RNGTT: variants seen among roughly 807,000 people sequenced by gnomAD.
The protein encoded by RNGTT is mRNA-capping enzyme.
RNGTT carries 33 observed loss-of-function variants against 79.3 expected under a neutral mutation model. The ratio of observed to expected loss-of-function variants is 0.42; its 90% CI spans 0.32 to 0.56. The LOEUF is 0.56. Ranked by LOEUF, RNGTT falls within the 20% of genes least tolerant of loss-of-function variation. The pLI, the probability that RNGTT is intolerant of heterozygous loss-of-function variation, is 0.17. For synonymous variants in RNGTT, 222 were observed against 235.9 expected (o/e 0.94, Z 0.54); for missense variants, 497 against 739.1 (o/e 0.67, Z 3.80).
chr6:88,637,368 A>G (rs1330240367), intron 14 of RNGTT, among the ~76,000 whole-genome samples: 2 of 152,080 alleles, frequency 1.3e-5, no homozygotes, highest in African/African-American at 2.4e-5. Context: ...TATTTGGTTT[A>G]TTTTCATTCT....
intron 13 of RNGTT, among the ~76,000 whole-genome samples, chr6:88,738,117 G>A (rs1171765939): frequency 1.3e-5 from 2 of 152,126 alleles, no homozygotes; most frequent in Non-Finnish European, 2.9e-5. Context: ...TTCATAGTAT[G>A]TACTCTTGAT....
chr6:88,746,301 A>G (rs540692201), intron 13 of RNGTT, among the ~76,000 whole-genome samples: 1 of 152,250 alleles, frequency 6.6e-6, no homozygotes, highest in African/African-American at 2.4e-5. Context: ...GTTTTCAGAT[A>G]CAAGTCAGTC....
chr6:88,614,183 A>T, intron 15 of RNGTT, 89 bp downstream of exon 15: 1 of 1,277,724 alleles, frequency 7.8e-7, no homozygotes, highest in Non-Finnish European at 1.1e-6. Flanking sequence ...ATGCCCCATT[A>T]AGCAAAACAA....
intron 14 of RNGTT, among the ~76,000 whole-genome samples, chr6:88,669,273 A>T (rs1774538093): frequency 6.6e-6 from 1 of 152,240 alleles, no homozygotes; most frequent in Non-Finnish European, 1.5e-5. Context: ...TCCTGCAGTT[A>T]GCAGAAAATA....
At chr6:88,877,718 A>G (rs577968273) in intron 8 of RNGTT, among the ~76,000 whole-genome samples, 2 of 152,168 alleles carry the variant, frequency 1.3e-5, no homozygotes, top group Admixed American at 1.3e-4. Flanking sequence ...TTTTAAACCA[A>G]TTTACCACAA....
chr6:88,949,358 A>G lies in RNGTT; in HGVS notation c.65-8178T>C, dbSNP rs1334480575. On this transcript the variant is annotated intron_variant, in intron 1 of 15. Transcript: ENST00000369485. ...TCACTACAACCTCTATCCACCTCCC[A>G]GGTTCAAACGATTCTCCTGCCTCAG... Among the ~76,000 whole-genome samples the G allele has an allele frequency of 2.8e-5, 4 of 143,558 alleles. No individual in the cohort carries two copies. The Admixed American group carries it at 2.9e-4, about 11-fold the overall frequency. The allele number at this position is 143,558 out of a possible 152,430, so 94.2% of individuals were successfully genotyped here. A position where few individuals can be genotyped will look rare whatever the true frequency, so the allele number is the denominator to read the frequency against.
Position 88,941,197 on chromosome 6 carries a change from G to T in RNGTT, c.65-17C>A. 2 of 1,368,914 alleles carry T rather than the reference G, an allele frequency of 1.5e-6. No homozygotes were observed. The highest frequency in any genetic ancestry group is 1.0e-6 in the Non-Finnish European group (1 of 973,434). 84.8% of individuals were successfully genotyped at this position (1,368,914 alleles called of 1,614,324 possible). On this transcript the variant is annotated splice_polypyrimidine_tract_variant and intron_variant, in intron 1 of 15. Coordinates refer to ENST00000369485, the MANE Select transcript of RNGTT (RefSeq NM_003800.5). ...AGAATCTTCCTAAACAACACAGATA[G>T]GTAATCATTTCCATAAAAGGAAATG...
intron 14 of RNGTT, among the ~76,000 whole-genome samples, chr6:88,626,357 G>A (rs1772633661): frequency 6.6e-6 from 1 of 151,920 alleles, no homozygotes; most frequent in Non-Finnish European, 1.5e-5. Flanking sequence ...CTAGGCTCTA[G>A]GGTGAGAAAA....
At chr6:88,686,373 A>G (rs1562194400) in intron 13 of RNGTT, among the ~76,000 whole-genome samples, 1 of 152,118 alleles carries the variant, frequency 6.6e-6, no homozygotes, top group African/African-American at 2.4e-5. Context: ...TTTATATATT[A>G]AATGCAATCT....
intron 8 of RNGTT, among the ~76,000 whole-genome samples, chr6:88,858,455 C>T (rs1211618865): frequency 6.6e-6 from 1 of 152,128 alleles, no homozygotes; most frequent in African/African-American, 2.4e-5. Context: ...AAAGGTAGAG[C>T]CTGTCAGAGT....
intron 12 of RNGTT, among the ~76,000 whole-genome samples, chr6:88,794,422 T>G (rs929970328): frequency 1.3e-5 from 2 of 152,144 alleles, no homozygotes; most frequent in Non-Finnish European, 2.9e-5. Context: ...ATTGATAACA[T>G]AAAAAACTAG....
intron 14 of RNGTT, among the ~76,000 whole-genome samples, chr6:88,648,097 T>G (rs368793149): frequency 1.3e-5 from 2 of 152,208 alleles, no homozygotes; most frequent in East Asian, 3.8e-4. Context: ...ACTATTTTTA[T>G]ATGAGTTCCA....
At chr6:88,778,583 T>C (rs2127847841) in intron 12 of RNGTT, among the ~76,000 whole-genome samples, 1 of 152,296 alleles carries the variant, frequency 6.6e-6, no homozygotes, top group African/African-American at 2.4e-5. Flanking sequence ...CTTGAACTCC[T>C]GAGTTTAAGC....
In RNGTT at chr6:88,855,229, G is replaced by T. The variant is rs147693411; in HGVS notation, c.897-1465C>A. Among the ~76,000 whole-genome samples, 182 of 152,262 alleles carry T rather than the reference G, an allele frequency of 1.2e-3. 1 individual carries two copies. Among genetic ancestry groups the T allele is most frequent in the African/African-American group, 4.3e-3 (177 of 41,558 alleles). ...CAGCTGAATCAAGTTAAGATTAGGGGACAGAAGAAATATTACATGAAGACA... is the reference window on the plus strand; with the variant it reads ...CAGCTGAATCAAGTTAAGATTAGGGTACAGAAGAAATATTACATGAAGACA... On this transcript the variant is annotated intron_variant, in intron 8 of 15. Coordinates refer to ENST00000369485, the MANE Select transcript of RNGTT (RefSeq NM_003800.5).
intron 14 of RNGTT, among the ~76,000 whole-genome samples, chr6:88,649,214 G>A (rs762841496): frequency 6.6e-6 from 1 of 152,100 alleles, no homozygotes; most frequent in African/African-American, 2.4e-5. Context: ...ACATGTAACA[G>A]ACAAGAAAAT....
chr6:88,878,445 T>C (rs1782590028), intron 8 of RNGTT, among the ~76,000 whole-genome samples: 1 of 152,132 alleles, frequency 6.6e-6, no homozygotes, highest in Non-Finnish European at 1.5e-5. Flanking sequence ...ATGATGCTGA[T>C]TTTGCCACTA....
At chr6:88,933,559 T>C (rs1784574474) in intron 2 of RNGTT, among the ~76,000 whole-genome samples, 1 of 151,986 alleles carries the variant, frequency 6.6e-6, no homozygotes, top group Non-Finnish European at 1.5e-5. Flanking sequence ...TAGCTCACTG[T>C]AACCTCAAAC....
At chr6:88,645,731 C>T (rs1773523807) in intron 14 of RNGTT, among the ~76,000 whole-genome samples, 1 of 152,106 alleles carries the variant, frequency 6.6e-6, no homozygotes, top group Admixed American at 6.5e-5. Flanking sequence ...TTTGACAAAC[C>T]TGACAAAAAC....
intron 11 of RNGTT, among the ~76,000 whole-genome samples, chr6:88,819,752 T>A (rs9362565): frequency 0.13 from 20,003 of 152,048 alleles, 1,463 homozygotes; most frequent in Middle Eastern, 0.24. Flanking sequence ...ACCTCATTAA[T>A]CTCTACCAAC....
Sources: allele counts gnomAD v4.1 joint callset (sites outside exome capture counted in the v4.1 genomes callset), GRCh38; gene constraint gnomAD v4.1.1; transcripts MANE v1.5; gene names NCBI Gene and HGNC (gene_info 2026-07-23, HGNC 2026-07-21).